The following EFCAB14 variants were observed in gnomAD, a reference collection of about 807,000 sequenced individuals.
EFCAB14 encodes EF-hand calcium binding domain 14, also known as EF-hand calcium-binding domain-containing protein 14.
EFCAB14 carries 43 observed loss-of-function variants against 56.5 expected under a neutral mutation model. The ratio of observed to expected loss-of-function variants is 0.76; its 90% CI spans 0.60 to 0.98. The LOEUF (loss-of-function observed/expected upper bound fraction) is 0.98, where lower values mean the gene tolerates loss of function less well. EFCAB14 is among the 50% of genes least tolerant of loss of function. EFCAB14 has a pLI of 0.00. For missense variants in EFCAB14, 538 were observed against 580.3 expected (o/e 0.93, Z 0.75); for synonymous variants, 235 against 212.9 (o/e 1.10, Z -0.90).
intron 10 of EFCAB14, among the ~76,000 whole-genome samples, chr1:46,678,921 G>C (rs776406560): frequency 1.2e-4 from 18 of 152,022 alleles, no homozygotes; most frequent in Non-Finnish European, 2.4e-4. Context: ...CCAGGAATTT[G>C]AGACCAGCCT....
intron 2 of EFCAB14, among the ~76,000 whole-genome samples, chr1:46,712,583 A>C (rs1367548003): frequency 6.6e-6 from 1 of 152,182 alleles, no homozygotes; most frequent in Non-Finnish European, 1.5e-5. Flanking sequence ...GTCTTGGAAA[A>C]TTTATAGAAA....
intron 5 of EFCAB14, among the ~76,000 whole-genome samples, chr1:46,690,760 G>A (rs192846305): frequency 6.6e-5 from 10 of 152,262 alleles, no homozygotes; most frequent in Non-Finnish European, 4.4e-5. Context: ...CTCTGGGTTA[G>A]CCCCACTAAG....
chr1:46,717,962 CT>C lies in EFCAB14; in HGVS notation c.125del (p.Glu42GlyfsTer106). ...LRTEPPDSDS[E>X]SSSEEEEEFG... Reference sequence around the variant, plus strand: ...ATTCCTCTTCCTCTTCGGAGCTGGACTCAGAGTCTGAGTCGGGAGGCTCAGT... The same window carrying C: ...ATTCCTCTTCCTCTTCGGAGCTGGACCAGAGTCTGAGTCGGGAGGCTCAGT... On this transcript the variant is annotated frameshift_variant, in exon 1 of 11. Transcript: ENST00000371933. LOFTEE classifies it high-confidence loss of function. 6.2e-7 allele frequency: 1 copy of C among 1,614,216 alleles called. No individual in the cohort carries two copies. The highest frequency in any genetic ancestry group is 8.5e-7 in the Non-Finnish European group (1 of 1,180,036).
chr1:46,703,996 T>G (rs1346914080), intron 3 of EFCAB14, among the ~76,000 whole-genome samples: 1 of 152,212 alleles, frequency 6.6e-6, no homozygotes, highest in Non-Finnish European at 1.5e-5. Flanking sequence ...CTATTTGCCC[T>G]TCAGGACTCA....
rs753072329 is a variant in EFCAB14, at chr1:46,697,842, TTCTC to T, written c.481-1197_481-1194del. On this transcript the variant is annotated intron_variant, in intron 3 of 10. Coordinates refer to ENST00000371933, the MANE Select transcript of EFCAB14 (RefSeq NM_014774.3). ...AGTACTGTGCTAAGAATTTTTTCCT[TTCTC>T]TCTCTCTCTTTTTTTTTTTTTTTTT... Among the ~76,000 whole-genome samples, 166 of 144,762 alleles carry T rather than the reference TTCTC, an allele frequency of 1.1e-3. 4 individuals are homozygous for T. In the East Asian group the frequency reaches 0.015, roughly 13 times the overall value. The allele number at this position is 144,762 out of a possible 152,430, so 95.0% of individuals were successfully genotyped here. A position where few individuals can be genotyped will look rare whatever the true frequency, so the allele number is the denominator to read the frequency against.
chr1:46,698,810 G>A (rs948934171), intron 3 of EFCAB14, among the ~76,000 whole-genome samples: 13 of 152,308 alleles, frequency 8.5e-5, no homozygotes, highest in African/African-American at 3.1e-4. Context: ...ACCAGAACAA[G>A]CACATGGGTT....
intron 8 of EFCAB14, 132 bp downstream of exon 8, chr1:46,686,652 A>C: frequency 1.2e-6 from 1 of 869,302 alleles, no homozygotes; most frequent in Non-Finnish European, 1.8e-6. Context: ...ATACTAATTT[A>C]CTAATTGCTT....
intron 3 of EFCAB14, among the ~76,000 whole-genome samples, chr1:46,697,265 A>T (rs1677088687): frequency 6.6e-6 from 1 of 152,172 alleles, no homozygotes; most frequent in African/African-American, 2.4e-5. Context: ...CTCAATAAAT[A>T]CTCACTGACT....
At chr1:46,688,245 T>C (rs186262791) in intron 7 of EFCAB14, 108 bp downstream of exon 7, 8 of 1,048,584 alleles carry the variant, frequency 7.6e-6, no homozygotes, top group African/African-American at 3.2e-5. Flanking sequence ...ACAACACAAA[T>C]GTGTGGCCTC....
intron 2 of EFCAB14, among the ~76,000 whole-genome samples, chr1:46,716,013 C>T (rs775144865): frequency 5.9e-5 from 9 of 151,334 alleles, no homozygotes; most frequent in South Asian, 2.1e-4. Context: ...TTTGGGAGGC[C>T]GAGGTAGGTG....
Position 46,718,203 on chromosome 1 carries a change from C to T in EFCAB14, c.-116G>A, listed in dbSNP as rs763141047. 2 of 1,121,616 alleles carry T rather than the reference C, an allele frequency of 1.8e-6. No individual in the cohort carries two copies. Among genetic ancestry groups the T allele is most frequent in the Non-Finnish European group, 2.5e-6 (2 of 789,768 alleles). 69.5% of individuals were successfully genotyped at this position (1,121,616 alleles called of 1,614,324 possible). ...CAGGGTTGGGAATCCTGGGCCAGAG[C>T]CCCCTGGTCACTCCCACCTAGGGGT... On this transcript the variant is annotated 5_prime_UTR_variant, in exon 1 of 11. Transcript: ENST00000371933.
chr1:46,684,516 G>A lies in EFCAB14; in HGVS notation c.1161C>T (p.Asn387=). The change falls in exon 9 of 11, where the codon AAC becomes AAT. Residue 387 remains asparagine, a synonymous_variant. Coordinates refer to ENST00000371933, the MANE Select transcript of EFCAB14 (RefSeq NM_014774.3). ...ISALTNKPES[N]RPPETADEEQ... ...CTTCATCGGCGGTCTCTGGAGGCCT[G>A]TTGCTCTCAGGTTTGTTTGTAAGAG... The A allele has an allele frequency of 1.2e-6, 2 of 1,614,008 alleles. No homozygotes were observed. The highest frequency in any genetic ancestry group is 8.5e-7 in the Non-Finnish European group (1 of 1,179,960).
chr1:46,694,914 T>C (rs1677056305), intron 4 of EFCAB14, among the ~76,000 whole-genome samples: 1 of 152,196 alleles, frequency 6.6e-6, no homozygotes, highest in Non-Finnish European at 1.5e-5. Flanking sequence ...AATGATGAGT[T>C]CATGTTCTTT....
At chr1:46,715,895 G>A (rs1244179255) in intron 2 of EFCAB14, among the ~76,000 whole-genome samples, 1 of 152,000 alleles carries the variant, frequency 6.6e-6, no homozygotes, top group African/African-American at 2.4e-5. Flanking sequence ...AAAAATCTTC[G>A]TTCAGCAGGG....
chr1:46,694,282 T>C (rs1057146921), intron 4 of EFCAB14, among the ~76,000 whole-genome samples: 3 of 152,062 alleles, frequency 2.0e-5, no homozygotes, highest in Non-Finnish European at 4.4e-5. Context: ...ACCATCAGAG[T>C]GAACAGGCAA....
At chr1:46,702,527 T>C (rs1677173090) in intron 3 of EFCAB14, among the ~76,000 whole-genome samples, 1 of 151,984 alleles carries the variant, frequency 6.6e-6, no homozygotes, top group Non-Finnish European at 1.5e-5. Flanking sequence ...TTAACTTCTT[T>C]GAACCTCAGT....
At chr1:46,705,054 G>T (rs1460577361) in intron 3 of EFCAB14, among the ~76,000 whole-genome samples, 1 of 152,138 alleles carries the variant, frequency 6.6e-6, no homozygotes, top group East Asian at 1.9e-4. Context: ...TTTAGATATG[G>T]AAACATAGTT....
rs1394414718 is a variant in EFCAB14 at position 46,683,295 on chromosome 1, T to C, written c.1312+5A>G. ...CCATTACTACCCCGTGGTATAAAAA[T>C]TTACCTTCAGTGCTAGAAACTCCTG... On this transcript the variant is annotated splice_donor_5th_base_variant and intron_variant, in intron 10 of 10. Coordinates refer to ENST00000371933, the MANE Select transcript of EFCAB14 (RefSeq NM_014774.3). The C allele has an allele frequency of 6.2e-7, 1 of 1,611,590 alleles. No homozygotes were observed. The highest frequency in any genetic ancestry group is 1.3e-5 in the African/African-American group (1 of 74,918).
intron 2 of EFCAB14, among the ~76,000 whole-genome samples, chr1:46,713,182 A>C (rs565036081): frequency 2.0e-5 from 3 of 152,310 alleles, no homozygotes; most frequent in Non-Finnish European, 4.4e-5. Flanking sequence ...CTATGGACTG[A>C]CTACACCCCA....
Sources: allele counts gnomAD v4.1 joint callset (sites outside exome capture counted in the v4.1 genomes callset), GRCh38; gene constraint gnomAD v4.1.1; transcripts MANE v1.5; gene names NCBI Gene and HGNC (gene_info 2026-07-23, HGNC 2026-07-21).